LRP1B: variants seen among roughly 807,000 people sequenced by gnomAD.
LRP1B encodes LDL receptor related protein 1B.
A neutral mutation model predicts 556.6 loss-of-function variants in LRP1B; 217 were observed. That is an observed-to-expected ratio of 0.39 (90% CI 0.35 to 0.44). The LOEUF (loss-of-function observed/expected upper bound fraction) is 0.44, where lower values mean the gene tolerates loss of function less well. Ranked by LOEUF, LRP1B falls within the 20% of genes least tolerant of loss-of-function variation. The pLI is 1.00. For missense variants in LRP1B, 5,053 were observed against 5,620.8 expected (o/e 0.90, Z 3.23); for synonymous variants, 2,047 against 1,865.8 (o/e 1.10, Z -2.50).
intron 2 of LRP1B, among the ~76,000 whole-genome samples, chr2:141,728,549 A>G (rs190032853): frequency 1.1e-4 from 17 of 152,260 alleles, no homozygotes; most frequent in African/African-American, 3.6e-4. Flanking sequence ...AAGTTACAAA[A>G]AACTGTAGAC....
chr2:141,948,952 TCACA>T (rs1701031447), intron 1 of LRP1B, among the ~76,000 whole-genome samples: 1 of 151,986 alleles, frequency 6.6e-6, no homozygotes, highest in Admixed American at 6.6e-5. Flanking sequence ...AAAGTATAAA[TCACA>T]CACGCAAATA....
At chr2:141,169,946 A>C (rs995751335) in intron 7 of LRP1B, among the ~76,000 whole-genome samples, 2 of 152,050 alleles carry the variant, frequency 1.3e-5, no homozygotes, top group African/African-American at 4.8e-5. Flanking sequence ...AAATATGCCC[A>C]CATCCTCTCA....
At chr2:141,844,392 T>C (rs905174194) in intron 1 of LRP1B, among the ~76,000 whole-genome samples, 2 of 152,140 alleles carry the variant, frequency 1.3e-5, no homozygotes, top group Non-Finnish European at 2.9e-5. Context: ...CCTAGCTATG[T>C]TCCATAACTT....
At chr2:141,155,826 A>AAT (rs1702052448) in intron 7 of LRP1B, among the ~76,000 whole-genome samples, 1 of 152,180 alleles carries the variant, frequency 6.6e-6, no homozygotes. Context: ...AAAGCTAACA[A>AAT]ATAATTTAAC....
At chr2:140,268,232 A>G (rs1382088585) in intron 86 of LRP1B, among the ~76,000 whole-genome samples, 1 of 151,850 alleles carries the variant, frequency 6.6e-6, no homozygotes, top group Non-Finnish European at 1.5e-5. Flanking sequence ...TAATGAATCT[A>G]TTGTTCTCTT....
chr2:140,322,875 A>C (rs771597994), intron 81 of LRP1B, among the ~76,000 whole-genome samples: 8 of 151,816 alleles, frequency 5.3e-5, no homozygotes, highest in Non-Finnish European at 1.2e-4. Flanking sequence ...GGTTTTGTCT[A>C]CTTTTTATGA....
At chr2:142,083,499 C>A (rs1215791782) in intron 1 of LRP1B, among the ~76,000 whole-genome samples, 1 of 152,094 alleles carries the variant, frequency 6.6e-6, no homozygotes, top group Non-Finnish European at 1.5e-5. Flanking sequence ...TCTGAAAAGG[C>A]TCTTAGAGTT....
At chr2:142,125,376 G>T (rs1707604986) in intron 1 of LRP1B, among the ~76,000 whole-genome samples, 1 of 151,610 alleles carries the variant, frequency 6.6e-6, no homozygotes, top group African/African-American at 2.4e-5. Flanking sequence ...AATGAGAGAG[G>T]ACTGAAGAGC....
At chr2:141,966,103 G>A (rs1701558537) in intron 1 of LRP1B, among the ~76,000 whole-genome samples, 1 of 151,740 alleles carries the variant, frequency 6.6e-6, no homozygotes, top group Non-Finnish European at 1.5e-5. Context: ...GTAAAGAGAG[G>A]TATTAGATTA....
chr2:141,115,496 A>C, intron 7 of LRP1B, among the ~76,000 whole-genome samples: 1 of 123,780 alleles, frequency 8.1e-6, no homozygotes, highest in Non-Finnish European at 1.6e-5. Flanking sequence ...TGGCTCTGTC[A>C]CCCAGACTGG....
chr2:141,517,727 G>A (rs79541330), intron 2 of LRP1B, among the ~76,000 whole-genome samples: 1,635 of 152,176 alleles, frequency 0.011, 14 homozygotes, highest in Middle Eastern at 0.017. Flanking sequence ...ATAGGGAATC[G>A]TGATCACAAG....
chr2:141,871,120 C>A (rs541428481), intron 1 of LRP1B, among the ~76,000 whole-genome samples: 3 of 152,042 alleles, frequency 2.0e-5, no homozygotes, highest in Admixed American at 2.0e-4. Context: ...TCCTAACAAA[C>A]ACAATCCTTC....
intron 1 of LRP1B, among the ~76,000 whole-genome samples, chr2:141,948,540 T>C (rs971332855): frequency 6.6e-6 from 1 of 151,882 alleles, no homozygotes; most frequent in South Asian, 2.1e-4. Flanking sequence ...TACAAAATAG[T>C]CAATGAAGAA....
chr2:141,493,317 G>C (rs987097693), intron 2 of LRP1B, among the ~76,000 whole-genome samples: 1 of 152,060 alleles, frequency 6.6e-6, no homozygotes, highest in African/African-American at 2.4e-5. Context: ...CCTTTTTTGT[G>C]TAGTAGACTA....
At chr2:140,704,747 T>G (rs1229385378) in intron 37 of LRP1B, among the ~76,000 whole-genome samples, 3 of 152,154 alleles carry the variant, frequency 2.0e-5, no homozygotes, top group African/African-American at 7.2e-5. Flanking sequence ...TGTGCTTACC[T>G]GTCTAATCTG....
At chr2:141,041,291 T>C (rs759591670) in intron 11 of LRP1B, among the ~76,000 whole-genome samples, 5 of 152,102 alleles carry the variant, frequency 3.3e-5, no homozygotes, top group Non-Finnish European at 7.4e-5. Flanking sequence ...ACAAACTTGG[T>C]GGCTTAAAAC....
chr2:141,140,602 G>A (rs1224739636), intron 7 of LRP1B, among the ~76,000 whole-genome samples: 1 of 152,032 alleles, frequency 6.6e-6, no homozygotes, highest in Non-Finnish European at 1.5e-5. Flanking sequence ...ACAGAGAAAA[G>A]GCTATGTGAG....
chr2:140,272,350 A>C (rs189584387), intron 85 of LRP1B, among the ~76,000 whole-genome samples: 1 of 152,022 alleles, frequency 6.6e-6, no homozygotes, highest in East Asian at 1.9e-4. Context: ...GTCCATACAA[A>C]TAGTTCCCAT....
intron 3 of LRP1B, among the ~76,000 whole-genome samples, chr2:141,405,795 G>A (rs534810959): frequency 2.0e-5 from 3 of 151,918 alleles, no homozygotes; most frequent in Non-Finnish European, 4.4e-5. Flanking sequence ...TGGCATTTTG[G>A]ATAAAACCAG....
Sources: allele counts gnomAD v4.1 joint callset (sites outside exome capture counted in the v4.1 genomes callset), GRCh38; gene constraint gnomAD v4.1.1; transcripts MANE v1.5; gene names NCBI Gene and HGNC (gene_info 2026-07-23, HGNC 2026-07-21).